The following CLSTN2 variants were observed in gnomAD, a reference collection of about 807,000 sequenced individuals.
CLSTN2 encodes the protein calsyntenin 2.
A neutral mutation model predicts 101.2 loss-of-function variants in CLSTN2; 48 were observed. The ratio of observed to expected loss-of-function variants is 0.47; its 90% CI spans 0.38 to 0.60. The LOEUF is 0.60. Among genes scored for constraint, CLSTN2 ranks in the 20% least tolerant of loss-of-function variants. The probability of loss-of-function intolerance (pLI) is 0.00; values close to 1 mark genes in which losing one functional copy is unlikely to be tolerated. For synonymous variants in CLSTN2, 481 were observed against 463.6 expected (o/e 1.04, Z -0.48); for missense variants, 1,160 against 1,238.2 (o/e 0.94, Z 0.95).
intron 8 of CLSTN2, among the ~76,000 whole-genome samples, chr3:140,529,940 G>A (rs558073683): frequency 6.6e-6 from 1 of 152,176 alleles, no homozygotes; most frequent in East Asian, 1.9e-4. Context: ...GTGTGGCAAG[G>A]GTGCCATGCA....
intron 2 of CLSTN2, among the ~76,000 whole-genome samples, chr3:140,271,720 T>C (rs138412971): frequency 7.7e-4 from 118 of 152,328 alleles, no homozygotes; most frequent in African/African-American, 2.8e-3. Flanking sequence ...GCATGAATTT[T>C]AGAGGGACAG....
At chr3:139,939,756 G>T (rs113252905) in intron 1 of CLSTN2, among the ~76,000 whole-genome samples, 5,098 of 152,302 alleles carry the variant, frequency 0.033, 315 homozygotes, top group African/African-American at 0.12. Flanking sequence ...ATGGTGGATT[G>T]TTCTAAGTCA....
intron 1 of CLSTN2, among the ~76,000 whole-genome samples, chr3:139,969,586 T>C (rs1219506233): frequency 6.6e-6 from 1 of 152,180 alleles, no homozygotes; most frequent in African/African-American, 2.4e-5. Flanking sequence ...CCCACCTGTC[T>C]TTCTAGCCCT....
intron 2 of CLSTN2, among the ~76,000 whole-genome samples, chr3:140,357,546 C>T (rs1386791853): frequency 6.6e-6 from 1 of 152,046 alleles, no homozygotes; most frequent in African/African-American, 2.4e-5. Flanking sequence ...GTTGCCATGA[C>T]CTGGAGTGCT....
rs185093755 is a variant in CLSTN2 at position 140,133,918 on chromosome 3, C to A, written c.110-42033C>A. ...AGGCCTCTGTGTAGTTTCAATGTTA[C>A]TATTCTCTATGGAAATAAGAGAGTA... is the stretch of plus-strand genomic sequence containing the variant. On this transcript the variant is annotated intron_variant, in intron 1 of 16. Coordinates refer to ENST00000458420, the MANE Select transcript of CLSTN2 (RefSeq NM_022131.3). Among the ~76,000 whole-genome samples, 257 of 152,268 alleles carry A rather than the reference C, an allele frequency of 1.7e-3. 2 individuals carry two copies. The highest frequency in any genetic ancestry group is 5.8e-3 in the African/African-American group (239 of 41,556).
At chr3:140,189,369 A>G (rs968576028) in intron 2 of CLSTN2, among the ~76,000 whole-genome samples, 1 of 152,124 alleles carries the variant, frequency 6.6e-6, no homozygotes, top group Non-Finnish European at 1.5e-5. Context: ...TCCCACCGGC[A>G]GTGTATAAGT....
Position 140,562,238 on chromosome 3 carries a change from G to A in CLSTN2, c.2142G>A (p.Glu714=). 1.2e-6 allele frequency: 2 copies of A among 1,614,026 alleles called. No individual in the cohort carries two copies. Among genetic ancestry groups the A allele is most frequent in the Non-Finnish European group, 8.5e-7 (1 of 1,179,928 alleles). The change falls in exon 13 of 17, where the codon GAG becomes GAA. Residue 714 remains glutamate (E), a synonymous_variant. Coordinates refer to ENST00000458420, the MANE Select transcript of CLSTN2 (RefSeq NM_022131.3). ...TGGACCCAAGGCAGGAGTGCTTGGAGCTCAACCACAGTGAGCTCCACCAAC... is the reference window on the plus strand; with the variant it reads ...TGGACCCAAGGCAGGAGTGCTTGGAACTCAACCACAGTGAGCTCCACCAAC... ...GDLDPRQECL[E]LNHSELHQRH... is the part of the protein sequence containing the mutation.
chr3:140,129,050 C>CA (rs1449433785), intron 1 of CLSTN2, among the ~76,000 whole-genome samples: 2 of 152,076 alleles, frequency 1.3e-5, no homozygotes, highest in Non-Finnish European at 2.9e-5. Context: ...TTAGTAAATA[C>CA]AAAAACTTGT....
chr3:140,483,267 T>C (rs188787108), intron 8 of CLSTN2, among the ~76,000 whole-genome samples: 1 of 152,368 alleles, frequency 6.6e-6, no homozygotes, highest in East Asian at 1.9e-4. Context: ...GTGCGTTTCT[T>C]AATCCTGAGT....
chr3:139,981,564 T>C (rs1935922814), intron 1 of CLSTN2, among the ~76,000 whole-genome samples: 1 of 152,222 alleles, frequency 6.6e-6, no homozygotes, highest in Non-Finnish European at 1.5e-5. Flanking sequence ...GCCAGTTCAA[T>C]TTTCTGGCTC....
At chr3:140,403,092 T>C (rs1277080266) in intron 2 of CLSTN2, among the ~76,000 whole-genome samples, 3 of 152,228 alleles carry the variant, frequency 2.0e-5, no homozygotes, top group Non-Finnish European at 2.9e-5. Context: ...GAAATAGTTA[T>C]AATAAACATT....
chr3:140,336,070 C>T (rs753419058), intron 2 of CLSTN2, among the ~76,000 whole-genome samples: 3 of 152,050 alleles, frequency 2.0e-5, no homozygotes, highest in South Asian at 2.1e-4. Context: ...ATGAAGGAGC[C>T]GATTACTGCT....
intron 1 of CLSTN2, among the ~76,000 whole-genome samples, chr3:140,097,781 C>T (rs2008895877): frequency 6.6e-6 from 1 of 152,102 alleles, no homozygotes; most frequent in African/African-American, 2.4e-5. Flanking sequence ...TTTTTATTGT[C>T]ACAGGTGTTT....
At chr3:140,155,146 G>A (rs985585888) in intron 1 of CLSTN2, among the ~76,000 whole-genome samples, 1 of 152,156 alleles carries the variant, frequency 6.6e-6, no homozygotes, top group African/African-American at 2.4e-5. Flanking sequence ...TACTCTGGCA[G>A]CTCCGTGGAA....
chr3:139,945,122 A>G (rs1025716064), intron 1 of CLSTN2, among the ~76,000 whole-genome samples: 1 of 152,216 alleles, frequency 6.6e-6, no homozygotes. Flanking sequence ...TTGCATCTCT[A>G]TGATGTCTGC....
intron 6 of CLSTN2, among the ~76,000 whole-genome samples, chr3:140,451,884 G>A (rs533024615): frequency 1.4e-4 from 21 of 152,236 alleles, no homozygotes; most frequent in African/African-American, 5.1e-4. Flanking sequence ...AATCTTTATT[G>A]ACTTTGGATG....
rs1056036173 is a variant in CLSTN2 at position 140,113,788 on chromosome 3, G to A, written c.110-62163G>A. On this transcript the variant is annotated intron_variant, in intron 1 of 16. Transcript: ENST00000458420. Reference sequence around the variant, plus strand: ...AATTATGAAACTAATTGATAGTGACGCACGACTATCAGGTTGAGCAAAAAG... The same window carrying A: ...AATTATGAAACTAATTGATAGTGACACACGACTATCAGGTTGAGCAAAAAG... Among the ~76,000 whole-genome samples, 28 of 152,170 alleles carry A rather than the reference G, an allele frequency of 1.8e-4. 1 individual carries two copies. Among genetic ancestry groups the A allele is most frequent in the Middle Eastern group, 6.3e-3 (2 of 316 alleles).
Position 140,568,489 on chromosome 3 carries a change from A to G in CLSTN2, c.*2236A>G, listed in dbSNP as rs893550658. The G allele has an allele frequency of 6.6e-6, 1 of 152,184 alleles. No individual in the cohort carries two copies. The highest frequency in any genetic ancestry group is 1.5e-5 in the Non-Finnish European group (1 of 68,036). The allele number at this position is 152,184 out of a possible 1,614,324, so 9.4% of individuals were successfully genotyped here. A position where few individuals can be genotyped will look rare whatever the true frequency, so the allele number is the denominator to read the frequency against. On this transcript the variant is annotated 3_prime_UTR_variant, in exon 17 of 17. Transcript: ENST00000458420. Reference sequence around the variant, plus strand: ...TCTCCCAACCAAATAGCCCTTTTCTATTAGGCTGTGTCTGTACATCCACAA... The same window carrying G: ...TCTCCCAACCAAATAGCCCTTTTCTGTTAGGCTGTGTCTGTACATCCACAA...
intron 2 of CLSTN2, among the ~76,000 whole-genome samples, chr3:140,241,494 T>A (rs538250725): frequency 6.6e-6 from 1 of 152,290 alleles, no homozygotes; most frequent in East Asian, 1.9e-4. Context: ...AGGAGCTGAT[T>A]CTGCACTTAG....
Sources: allele counts gnomAD v4.1 joint callset (sites outside exome capture counted in the v4.1 genomes callset), GRCh38; gene constraint gnomAD v4.1.1; transcripts MANE v1.5; gene names NCBI Gene and HGNC (gene_info 2026-07-23, HGNC 2026-07-21).